The following NCAPH variants were observed in gnomAD, a reference collection of about 807,000 sequenced individuals.
NCAPH encodes the protein condensin complex subunit 2.
A neutral mutation model predicts 85.5 loss-of-function variants in NCAPH; 38 were observed. The observed-to-expected ratio is 0.44, with a 90% confidence interval of 0.34 to 0.58. The LOEUF is 0.58. Among genes scored for constraint, NCAPH ranks in the 20% least tolerant of loss-of-function variants. NCAPH has a pLI of 0.01. For missense variants in NCAPH, 789 were observed against 916.6 expected (o/e 0.86, Z 1.80); for synonymous variants, 301 against 335.1 (o/e 0.90, Z 1.11).
chr2:96,336,088 C>T (rs1022437365), intron 1 of NCAPH, among the ~76,000 whole-genome samples: 1 of 151,962 alleles, frequency 6.6e-6, no homozygotes, highest in African/African-American at 2.4e-5. Context: ...AGCGCGCGGG[C>T]CCTGCCTCAC....
intron 16 of NCAPH, 93 bp downstream of exon 16, chr2:96,369,156 C>A: frequency 8.1e-7 from 1 of 1,234,488 alleles, no homozygotes; most frequent in Non-Finnish European, 1.1e-6. Flanking sequence ...TTTCCTATGA[C>A]ATTTATAGTG....
At chr2:96,350,068 G>A (rs2064417554) in intron 6 of NCAPH, among the ~76,000 whole-genome samples, 1 of 152,240 alleles carries the variant, frequency 6.6e-6, no homozygotes, top group South Asian at 2.1e-4. Flanking sequence ...ATACGAGTTT[G>A]GCTAGCGCCA....
At chr2:96,355,646 T>C (rs550540146) in intron 9 of NCAPH, among the ~76,000 whole-genome samples, 2 of 141,806 alleles carry the variant, frequency 1.4e-5, no homozygotes, top group Non-Finnish European at 3.1e-5. Context: ...TGTTTTTTTG[T>C]TTTTTTTTTT....
chr2:96,351,999 G>A lies in NCAPH; in HGVS notation c.889G>A (p.Val297Ile), dbSNP rs1423231975. Reference sequence around the variant, plus strand: ...TCTCGAGTTGCCAGAGTTAGGTTGTGTAGAAATGACAGATTTAAAAGGTAA... The same window carrying A: ...TCTCGAGTTGCCAGAGTTAGGTTGTATAGAAATGACAGATTTAAAAGGTAA... Reference protein sequence around the residue: ...EPLELPELGCVEMTDLKAPLQ... With the variant: ...EPLELPELGCIEMTDLKAPLQ... The change falls in exon 7 of 18, where the codon GTA (valine) becomes ATA (isoleucine). Residue 297 changes from valine to isoleucine, a missense_variant. Transcript: ENST00000240423. The A allele has an allele frequency of 6.2e-7, 1 of 1,611,514 alleles. No homozygotes were observed. Among genetic ancestry groups the A allele is most frequent in the Non-Finnish European group, 8.5e-7 (1 of 1,179,258 alleles).
Position 96,342,031 on chromosome 2 carries a change from G to A in NCAPH, c.273-19G>A, listed in dbSNP as rs1342883668. On this transcript the variant is annotated intron_variant, in intron 2 of 17. Transcript: ENST00000240423. ...TCATGGATTCTTGCCAGAGTTGTTT[G>A]TTTTTGTTTTCCATTTAGGAGTATT... 6.2e-7 allele frequency: 1 copy of A among 1,603,354 alleles called. No individual in the cohort carries two copies.
intron 9 of NCAPH, among the ~76,000 whole-genome samples, chr2:96,358,764 A>G (rs781289068): frequency 3.2e-4 from 48 of 152,276 alleles, no homozygotes; most frequent in South Asian, 2.3e-3. Context: ...CACCGCGCCC[A>G]GCCAAAAGAA....
intron 13 of NCAPH, 32 bp downstream of exon 13, chr2:96,364,623 T>C (rs1315707660): frequency 1.3e-6 from 2 of 1,493,756 alleles, no homozygotes; most frequent in African/African-American, 1.4e-5. Flanking sequence ...TGTCCTCTCT[T>C]CTAAGCCAGG....
At chr2:96,352,985 T>C (rs1035330870) in intron 7 of NCAPH, among the ~76,000 whole-genome samples, 2 of 152,244 alleles carry the variant, frequency 1.3e-5, no homozygotes, top group Admixed American at 6.5e-5. Context: ...ATTTCCCAGC[T>C]ATAGCATAGG....
Position 96,343,182 on chromosome 2 carries a change from T to G in NCAPH, c.473T>G (p.Leu158Arg). 1 of 1,614,190 alleles carries G rather than the reference T, an allele frequency of 6.2e-7. No individual in the cohort carries two copies. The highest frequency in any genetic ancestry group is 1.1e-5 in the South Asian group (1 of 91,082). The change falls in exon 5 of 18, where the codon CTG becomes CGG. Residue 158 changes from leucine (L) to arginine (R), a missense_variant. Coordinates refer to ENST00000240423, the MANE Select transcript of NCAPH (RefSeq NM_015341.5). ...TTTGACTAGGTGGCTGCGGGTACTC[T>G]GGATGCCAGCACCAAGATCTATGCT... ...PTNFKVAAGT[L>R]DASTKIYAVR...
chr2:96,376,762 C>T lies in NCAPH; in HGVS notation c.*3411C>T, dbSNP rs1055305300. 3.3e-5 allele frequency among the ~76,000 whole-genome samples: 5 copies of T among 151,868 alleles called. No individual in the cohort carries two copies. Among genetic ancestry groups the T allele is most frequent in the South Asian group, 2.1e-4 (1 of 4,814 alleles). On this transcript the variant is annotated 3_prime_UTR_variant, in exon 18 of 18. Transcript: ENST00000240423. ...GGCAGCAAGCCATGATCTAGGTCTTCGAGTAGAATTCTCAGTTTTGGTTCA... is the reference window on the plus strand; with the variant it reads ...GGCAGCAAGCCATGATCTAGGTCTTTGAGTAGAATTCTCAGTTTTGGTTCA...
At position 96,343,170 on chromosome 2, in the gene NCAPH, C is replaced by CT. The variant is rs1311301540; in HGVS notation, c.462dup (p.Ala155CysfsTer45). ...CAGCTCTGATTGTTTGACTAGGTGGCTGCGGGTACTCTGGATGCCAGCACC... is the reference window on the plus strand; with the variant it reads ...CAGCTCTGATTGTTTGACTAGGTGGCTTGCGGGTACTCTGGATGCCAGCACC... On this transcript the variant is annotated frameshift_variant, in exon 5 of 18. Transcript: ENST00000240423. LOFTEE classifies it high-confidence loss of function. The CT allele has an allele frequency of 6.2e-7, 1 of 1,614,062 alleles. No individual in the cohort carries two copies. Among genetic ancestry groups the CT allele is most frequent in the South Asian group, 1.1e-5 (1 of 91,058 alleles).
Position 96,353,162 on chromosome 2 carries a change from CTGA to C in NCAPH, c.911-139_911-137del, listed in dbSNP as rs915083808. The stretch of plus-strand genomic sequence containing the variant: ...ACACAGACTGGCAGCTAGCCAGCCA[CTGA>C]TGATACTTGAGCCTTTGCTGGAGGA... On this transcript the variant is annotated intron_variant, in intron 7 of 17. Transcript: ENST00000240423. 44 of 678,908 alleles carry C rather than the reference CTGA, an allele frequency of 6.5e-5. No homozygotes were observed. In the African/African-American group the frequency reaches 6.9e-4, roughly 11 times the overall value. The allele number at this position is 678,908 out of a possible 1,614,324, so 42.1% of individuals were successfully genotyped here. A position where few individuals can be genotyped will look rare whatever the true frequency, so the allele number is the denominator to read the frequency against.
rs2064293633 is a variant in NCAPH at position 96,341,491 on chromosome 2, A to G, written c.20-151A>G. 3 of 1,069,324 alleles carry G rather than the reference A, an allele frequency of 2.8e-6. No individual in the cohort carries two copies. The East Asian group carries it at 7.4e-5, about 26-fold the overall frequency. The allele number at this position is 1,069,324 out of a possible 1,614,324, so 66.2% of individuals were successfully genotyped here. ...CCCCCTGCACCTCCAAGAAACCCAA[A>G]CTCTAGAGGTTCTAGCCATTAAGTA... On this transcript the variant is annotated intron_variant, in intron 1 of 17. Transcript: ENST00000240423.
intron 9 of NCAPH, 37 bp from the exon 10 acceptor site, chr2:96,359,008 T>TA: frequency 6.3e-7 from 1 of 1,594,576 alleles, no homozygotes; most frequent in Non-Finnish European, 8.6e-7. Flanking sequence ...AGCATTATAA[T>TA]ATATGTATTG....
In NCAPH at chr2:96,373,601, G is replaced by A; in HGVS notation, c.*250G>A. The A allele has an allele frequency of 5.1e-6, 2 of 389,286 alleles. No individual in the cohort carries two copies. Among genetic ancestry groups the A allele is most frequent in the East Asian group, 4.0e-5 (1 of 24,736 alleles). The allele number at this position is 389,286 out of a possible 1,614,324, so 24.1% of individuals were successfully genotyped here. A position where few individuals can be genotyped will look rare whatever the true frequency, so the allele number is the denominator to read the frequency against. On this transcript the variant is annotated 3_prime_UTR_variant, in exon 18 of 18. Coordinates refer to ENST00000240423, the MANE Select transcript of NCAPH (RefSeq NM_015341.5). ...ATCTAGGAGAGGGGAGGGCAGAGGG[G>A]GTGAGGGTACTATTCTGGATTGAGA...
chr2:96,363,430 G>A (rs62153917), intron 12 of NCAPH, among the ~76,000 whole-genome samples: 32,580 of 152,078 alleles, frequency 0.21, 4,567 homozygotes, highest in South Asian at 0.64. Flanking sequence ...AAAATGGGGC[G>A]TTTCTTAATT....
chr2:96,340,870 T>G (rs185052035), intron 1 of NCAPH, among the ~76,000 whole-genome samples: 2 of 152,122 alleles, frequency 1.3e-5, no homozygotes, highest in East Asian at 3.9e-4. Context: ...CTAGAGTGTT[T>G]CCTTGTGATA....
chr2:96,358,317 C>A (rs2064551205), intron 9 of NCAPH, among the ~76,000 whole-genome samples: 1 of 152,138 alleles, frequency 6.6e-6, no homozygotes. Context: ...TCTTTTGGAG[C>A]CCTCATTTAC....
At chr2:96,359,465 G>A in intron 10 of NCAPH, 2 of 436,354 alleles carry the variant, frequency 4.6e-6, no homozygotes, top group Non-Finnish European at 4.1e-6. Context: ...GTATCCACAT[G>A]ACTTCACTCA....
Sources: allele counts gnomAD v4.1 joint callset (sites outside exome capture counted in the v4.1 genomes callset), GRCh38; gene constraint gnomAD v4.1.1; transcripts MANE v1.5; gene names NCBI Gene and HGNC (gene_info 2026-07-23, HGNC 2026-07-21).